WDR11: variants seen among roughly 807,000 people sequenced by gnomAD.
WDR11 encodes the protein WD repeat-containing protein 11.
Under a neutral mutation model 151.2 loss-of-function variants are expected in WDR11, and 83 were observed. That is an observed-to-expected ratio of 0.55 (90% CI 0.46 to 0.66). The LOEUF (loss-of-function observed/expected upper bound fraction) is 0.66. Among genes scored for constraint, WDR11 ranks in the 30% least tolerant of loss-of-function variants. The pLI, the probability that WDR11 is intolerant of heterozygous loss-of-function variation, is 0.00. For synonymous variants in WDR11, 484 were observed against 533.1 expected (o/e 0.91, Z 1.27); for missense variants, 1,301 against 1,480.9 (o/e 0.88, Z 1.99).
rs1375225644 is a variant in WDR11, at chr10:120,889,852, C to T, written c.2229-43C>T. 3.7e-6 allele frequency: 5 copies of T among 1,342,348 alleles called. No individual in the cohort carries two copies. The African/African-American group carries it at 7.2e-5, about 19-fold the overall frequency. The allele number at this position is 1,342,348 out of a possible 1,614,324, so 83.2% of individuals were successfully genotyped here. On this transcript the variant is annotated intron_variant, in intron 17 of 28. Coordinates refer to ENST00000263461, the MANE Select transcript of WDR11 (RefSeq NM_018117.12). Reference sequence around the variant, plus strand: ...TAGACATAGCTTCTGGTGACCAGATCTCACTCTACATTGTATTGATGTTTT... The same window carrying T: ...TAGACATAGCTTCTGGTGACCAGATTTCACTCTACATTGTATTGATGTTTT...
intron 28 of WDR11, 77 bp from the exon 29 acceptor site, chr10:120,908,479 C>A: frequency 6.6e-7 from 1 of 1,510,286 alleles, no homozygotes; most frequent in Non-Finnish European, 9.2e-7. Flanking sequence ...ACGCGACTCA[C>A]CCTTCCTGCT....
intron 19 of WDR11, among the ~76,000 whole-genome samples, chr10:120,894,955 G>GTTCA (rs1847554014): frequency 2.0e-5 from 3 of 152,098 alleles, no homozygotes; most frequent in Non-Finnish European, 4.4e-5. Context: ...CTTTCAGTTT[G>GTTCA]TTCATGCTCA....
At chr10:120,858,879 ATTCATTT>A in intron 3 of WDR11, 83 bp downstream of exon 3, 1 of 1,535,402 alleles carries the variant, frequency 6.5e-7, no homozygotes, top group Non-Finnish European at 8.9e-7. Flanking sequence ...GTTTTCCCCC[ATTCATTT>A]AATTTTATCA....
chr10:120,884,311 C>A (rs1425540167), intron 14 of WDR11, among the ~76,000 whole-genome samples: 1 of 152,022 alleles, frequency 6.6e-6, no homozygotes, highest in Admixed American at 6.6e-5. Context: ...GAAAGTGAGT[C>A]AACCTAATAA....
chr10:120,889,843 T>G, intron 17 of WDR11, 52 bp from the exon 18 acceptor site: 1 of 1,229,134 alleles, frequency 8.1e-7, no homozygotes. Flanking sequence ...TAGCTTCTGG[T>G]GACCAGATCT....
chr10:120,889,669 A>C (rs1411985424), intron 17 of WDR11: 3 of 549,716 alleles, frequency 5.5e-6, no homozygotes, highest in African/African-American at 1.9e-5. Context: ...GCCTTGAGCC[A>C]AGCATTCTTA....
intron 6 of WDR11, 54 bp from the exon 7 acceptor site, chr10:120,865,576 T>G (rs1846283038): frequency 8.2e-7 from 1 of 1,218,424 alleles, no homozygotes; most frequent in African/African-American, 1.5e-5. Flanking sequence ...TTTCACAGTA[T>G]ATACTTTATT....
chr10:120,858,671 A>G lies in WDR11; in HGVS notation c.227A>G (p.His76Arg), dbSNP rs1307851367. ...AAATGGGCCAGGGAAAACTATCACCATAACATTGGCTCACCATATTGCTTA... is the reference window on the plus strand; with the variant it reads ...AAATGGGCCAGGGAAAACTATCACCGTAACATTGGCTCACCATATTGCTTA... Reference protein sequence around the residue: ...KVKWARENYHHNIGSPYCLRL... With the variant: ...KVKWARENYHRNIGSPYCLRL... The change falls in exon 3 of 29, where the codon CAT (histidine) becomes CGT (arginine). Residue 76 changes from histidine to arginine, a missense_variant. Physicochemically the swap from His to Arg is conservative, Grantham distance 29 (BLOSUM62 0). This residue lies in a region of WDR11 where 692 missense variants were observed against 762.5 expected (regional missense o/e 0.91). Transcript: ENST00000263461. 2.5e-6 allele frequency: 4 copies of G among 1,614,238 alleles called. No individual in the cohort carries two copies. The highest frequency in any genetic ancestry group is 3.4e-6 in the Non-Finnish European group (4 of 1,180,040).
Position 120,904,630 on chromosome 10 carries a change from C to T in WDR11, c.3028-16C>T. The T allele has an allele frequency of 6.2e-7, 1 of 1,614,046 alleles. No homozygotes were observed. Among genetic ancestry groups the T allele is most frequent in the Non-Finnish European group, 8.5e-7 (1 of 1,179,980 alleles). ...GAAAATGTTCTCATAATTAGAAAAA[C>T]CGTTTCTCTTACTAGACAGACAGAG... On this transcript the variant is annotated splice_polypyrimidine_tract_variant and intron_variant, in intron 24 of 28. Coordinates refer to ENST00000263461, the MANE Select transcript of WDR11 (RefSeq NM_018117.12).
chr10:120,901,212 C>G (rs891122796), intron 21 of WDR11, 114 bp downstream of exon 21: 8 of 897,572 alleles, frequency 8.9e-6, no homozygotes, highest in Non-Finnish European at 1.4e-5. Flanking sequence ...ATTAGTGGCC[C>G]AAGAAGAGAC....
intron 15 of WDR11, 125 bp from the exon 16 acceptor site, chr10:120,886,564 G>A: frequency 8.1e-7 from 1 of 1,232,626 alleles, no homozygotes; most frequent in Non-Finnish European, 1.1e-6. Flanking sequence ...ATTAGTTTCA[G>A]ACTTTTAAAA....
intron 26 of WDR11, 75 bp downstream of exon 26, chr10:120,905,491 G>T: frequency 6.6e-7 from 1 of 1,517,872 alleles, no homozygotes; most frequent in South Asian, 1.1e-5. Context: ...TTGGACTTAT[G>T]ACTTAGAAAC....
At chr10:120,885,226 G>A (rs1020186195) in intron 14 of WDR11, 1 of 152,954 alleles carries the variant, frequency 6.5e-6, no homozygotes, top group African/African-American at 2.4e-5. Flanking sequence ...AGAAACAGGA[G>A]GAAGAGGACT....
chr10:120,852,171 C>T (rs1358759492), intron 1 of WDR11: 2 of 306,856 alleles, frequency 6.5e-6, no homozygotes, highest in Non-Finnish European at 1.2e-5. Flanking sequence ...TAGGATTAGT[C>T]GCAGTATCCC....
At chr10:120,890,924 TCTTTA>T in intron 19 of WDR11, 37 bp downstream of exon 19, 1 of 1,608,002 alleles carries the variant, frequency 6.2e-7, no homozygotes, top group Non-Finnish European at 8.5e-7. Flanking sequence ...TTGAAACCTG[TCTTTA>T]CTTTGCCACA....
intron 11 of WDR11, among the ~76,000 whole-genome samples, chr10:120,874,809 T>G (rs965079798): frequency 1.3e-5 from 2 of 151,708 alleles, no homozygotes; most frequent in African/African-American, 4.8e-5. Context: ...TTTTTTTCTT[T>G]AATTTTACTT....
At chr10:120,870,728 A>G (rs1846506928) in intron 9 of WDR11, among the ~76,000 whole-genome samples, 1 of 152,198 alleles carries the variant, frequency 6.6e-6, no homozygotes, top group Non-Finnish European at 1.5e-5. Context: ...ATGAATACCA[A>G]TTTTGTATGT....
intron 19 of WDR11, 84 bp from the exon 20 acceptor site, chr10:120,899,945 C>G (rs1448843566): frequency 4.4e-6 from 5 of 1,126,508 alleles, no homozygotes; most frequent in Non-Finnish European, 5.3e-6. Context: ...TCTCTGCTGA[C>G]TGCTCTGTAA....
chr10:120,890,983 T>G (rs1847412390), intron 19 of WDR11, 96 bp downstream of exon 19: 5 of 1,310,110 alleles, frequency 3.8e-6, no homozygotes, highest in Non-Finnish European at 4.4e-6. Flanking sequence ...CTGTTTCATT[T>G]CAGTCTTATT....
Sources: gnomAD v4.1 joint callset for allele counts (sites outside exome capture counted in the v4.1 genomes callset) on GRCh38, gnomAD v4.1.1 for gene constraint, gnomAD v4.1.1 regional missense constraint, MANE v1.5 for transcripts, NCBI Gene and HGNC (gene_info 2026-07-23, HGNC 2026-07-21) for gene names.